NHLRC2: variants seen among roughly 807,000 people sequenced by gnomAD.
NHLRC2 encodes the protein NHL repeat-containing protein 2.
NHLRC2 carries 33 observed loss-of-function variants against 68.1 expected under a neutral mutation model. That is an observed-to-expected ratio of 0.48 (90% CI 0.37 to 0.65). The LOEUF (loss-of-function observed/expected upper bound fraction) is 0.65, where lower values mean the gene tolerates loss of function less well. NHLRC2 is among the 30% of genes least tolerant of loss of function. The probability of loss-of-function intolerance (pLI) is 0.00; values close to 1 mark genes in which losing one functional copy is unlikely to be tolerated. For synonymous variants in NHLRC2, 311 were observed against 309.6 expected, an observed-to-expected ratio of 1.00 and a Z score of -0.05; for missense variants, 761 against 853.8, an observed-to-expected ratio of 0.89 and a Z score of 1.35.
In NHLRC2 at chr10:113,911,774, T is replaced by C. The variant is rs796784145; in HGVS notation, c.*3238T>C. 7.2e-5 allele frequency: 11 copies of C among 152,282 alleles called. 1 individual carries two copies. The highest frequency in any genetic ancestry group is 2.6e-4 in the African/African-American group (11 of 41,580). 9.4% of individuals were successfully genotyped at this position (152,282 alleles called of 1,614,324 possible). A position where few individuals can be genotyped will look rare whatever the true frequency, so the allele number is the denominator to read the frequency against. On this transcript the variant is annotated 3_prime_UTR_variant, in exon 11 of 11. Coordinates refer to ENST00000369301, the MANE Select transcript of NHLRC2 (RefSeq NM_198514.4). ...CACAATCATCAAAATCTACTTAAAT[T>C]CTATAGTTAACAGTTACATAAGAAT...
chr10:113,882,646 T>C (rs1191677946), intron 4 of NHLRC2, among the ~76,000 whole-genome samples: 1 of 151,802 alleles, frequency 6.6e-6, no homozygotes, highest in Non-Finnish European at 1.5e-5. Context: ...TCTGCTTGCC[T>C]TTATACTTAG....
chr10:113,908,704 T>C lies in NHLRC2; in HGVS notation c.*168T>C. On this transcript the variant is annotated 3_prime_UTR_variant, in exon 11 of 11. Coordinates refer to ENST00000369301, the MANE Select transcript of NHLRC2 (RefSeq NM_198514.4). ...AAAGCTATGCTCCTTACTTACTTCTTTTATTATAAACAAATTCCTTTGCTT... is the reference window on the plus strand; with the variant it reads ...AAAGCTATGCTCCTTACTTACTTCTCTTATTATAAACAAATTCCTTTGCTT... 1 of 634,536 alleles carries C rather than the reference T, an allele frequency of 1.6e-6. No individual in the cohort carries two copies. Among genetic ancestry groups the C allele is most frequent in the Non-Finnish European group, 2.7e-6 (1 of 370,626 alleles). The allele number at this position is 634,536 out of a possible 1,614,324, so 39.3% of individuals were successfully genotyped here. A position where few individuals can be genotyped will look rare whatever the true frequency, so the allele number is the denominator to read the frequency against.
chr10:113,871,114 T>C (rs570701884), intron 2 of NHLRC2, among the ~76,000 whole-genome samples: 6 of 146,230 alleles, frequency 4.1e-5, no homozygotes, highest in Non-Finnish European at 7.4e-5. Context: ...AACGTTTGCC[T>C]CTCAGGTTCA....
intron 5 of NHLRC2, among the ~76,000 whole-genome samples, chr10:113,886,305 A>C (rs1846082039): frequency 6.6e-6 from 1 of 152,182 alleles, no homozygotes; most frequent in African/African-American, 2.4e-5. Flanking sequence ...TAAAATGTTC[A>C]TACTACCCAA....
intron 1 of NHLRC2, among the ~76,000 whole-genome samples, chr10:113,856,522 A>G (rs372195553): frequency 2.6e-5 from 4 of 152,234 alleles, no homozygotes; most frequent in Admixed American, 1.3e-4. Context: ...ATACAAATAT[A>G]TGATTTTAAA....
Position 113,903,683 on chromosome 10 carries a change from A to G in NHLRC2, c.1651A>G (p.Thr551Ala). Residue 551 changes from threonine to alanine, a missense_variant, in exon 9 of 11, where the codon ACC becomes GCC. Physicochemically the swap from Thr to Ala is moderately conservative, Grantham distance 58. Coordinates refer to ENST00000369301, the MANE Select transcript of NHLRC2 (RefSeq NM_198514.4). ...ENGELLYVAD[T>A]NNHQIKVMDL... ...TGGAGAATTATTATATGTAGCAGAC[A>G]CCAATAATCATCAAATTAAAGTGAT... is the stretch of plus-strand genomic sequence containing the variant. 6.2e-7 allele frequency: 1 copy of G among 1,600,390 alleles called. No homozygotes were observed. Among genetic ancestry groups the G allele is most frequent in the Non-Finnish European group, 8.6e-7 (1 of 1,167,648 alleles).
chr10:113,902,575 A>G lies in NHLRC2; in HGVS notation c.1476A>G (p.Ala492=). 1 of 1,606,500 alleles carries G rather than the reference A, an allele frequency of 6.2e-7. No homozygotes were observed. The highest frequency in any genetic ancestry group is 1.3e-5 in the African/African-American group (1 of 74,426). The change falls in exon 8 of 11, where the codon GCA becomes GCG. Residue 492 remains alanine, a synonymous_variant. Coordinates refer to ENST00000369301, the MANE Select transcript of NHLRC2 (RefSeq NM_198514.4). ...AAAAAAGGAATTTACTTTATGTTGC[A>G]GACTCCTACAATCACAAGGTGAGTC... ...WDKKRNLLYV[A]DSYNHKIKVV...
intron 5 of NHLRC2, among the ~76,000 whole-genome samples, chr10:113,891,701 C>T (rs1846133588): frequency 6.6e-6 from 1 of 152,156 alleles, no homozygotes; most frequent in African/African-American, 2.4e-5. Flanking sequence ...TGGTGGTTCC[C>T]TCTCTCCACT....
chr10:113,896,852 G>T (rs1175393711), intron 5 of NHLRC2, among the ~76,000 whole-genome samples: 1 of 151,764 alleles, frequency 6.6e-6, no homozygotes, highest in Non-Finnish European at 1.5e-5. Context: ...AAATTAGCCG[G>T]GCATGGTGGC....
chr10:113,877,334 T>C (rs530381009), intron 3 of NHLRC2, among the ~76,000 whole-genome samples: 70 of 152,070 alleles, frequency 4.6e-4, no homozygotes, highest in Admixed American at 1.8e-3. Flanking sequence ...AGAAGTATTA[T>C]GTTTCACTTT....
chr10:113,909,512 T>A lies in NHLRC2; in HGVS notation c.*976T>A, dbSNP rs1403021084. Reference sequence around the variant, plus strand: ...TTATGATCATTTATTGTGATGTTTTTAAAAATCACTTTTAAGCCTTAAAAG... The same window carrying A: ...TTATGATCATTTATTGTGATGTTTTAAAAAATCACTTTTAAGCCTTAAAAG... On this transcript the variant is annotated 3_prime_UTR_variant, in exon 11 of 11. Transcript: ENST00000369301. 1 of 152,162 alleles carries A rather than the reference T, an allele frequency of 6.6e-6. No individual in the cohort carries two copies. The highest frequency in any genetic ancestry group is 1.5e-5 in the Non-Finnish European group (1 of 67,990). The allele number at this position is 152,162 out of a possible 1,614,324, so 9.4% of individuals were successfully genotyped here.
chr10:113,871,364 T>C (rs1845923549), intron 2 of NHLRC2, among the ~76,000 whole-genome samples: 1 of 152,134 alleles, frequency 6.6e-6, no homozygotes, highest in Non-Finnish European at 1.5e-5. Context: ...TAATTGAGTC[T>C]CTGGACTTTT....
chr10:113,876,398 C>A, intron 2 of NHLRC2, 123 bp from the exon 3 acceptor site: 1 of 552,116 alleles, frequency 1.8e-6, no homozygotes, highest in Non-Finnish European at 3.1e-6. Flanking sequence ...CAGCGTAGTT[C>A]TACTTTTCGT....
intron 4 of NHLRC2, among the ~76,000 whole-genome samples, chr10:113,881,095 T>C (rs1266084338): frequency 6.6e-6 from 1 of 151,922 alleles, no homozygotes; most frequent in Non-Finnish European, 1.5e-5. Context: ...AAATTCTTAA[T>C]GATTAATATT....
intron 2 of NHLRC2, chr10:113,858,932 A>G (rs910906399): frequency 1.6e-5 from 5 of 308,920 alleles, no homozygotes; most frequent in African/African-American, 6.4e-5. Context: ...ATAATTTGCT[A>G]TTTTTCATGA....
At chr10:113,877,403 T>G (rs1002681531) in intron 3 of NHLRC2, among the ~76,000 whole-genome samples, 1 of 152,158 alleles carries the variant, frequency 6.6e-6, no homozygotes, top group Non-Finnish European at 1.5e-5. Context: ...GAACTTGAGA[T>G]GTAGTTTATA....
intron 1 of NHLRC2, among the ~76,000 whole-genome samples, chr10:113,856,268 C>T (rs1845757316): frequency 6.6e-6 from 1 of 152,154 alleles, no homozygotes; most frequent in South Asian, 2.1e-4. Context: ...GACACTGAAA[C>T]CACATGTATA....
rs1846363760 is a variant in NHLRC2 at position 113,914,582 on chromosome 10, G to C, written c.*6046G>C. The stretch of plus-strand genomic sequence containing the variant: ...TTTTCATTCTTAGTGTGCTAATTAA[G>C]TAGTAGTATGGTGCAGTAAGGAATT... On this transcript the variant is annotated 3_prime_UTR_variant, in exon 11 of 11. Transcript: ENST00000369301. 5.0e-6 allele frequency: 1 copy of C among 201,926 alleles called. No individual in the cohort carries two copies. Among genetic ancestry groups the C allele is most frequent in the African/African-American group, 2.4e-5 (1 of 42,010 alleles). The allele number at this position is 201,926 out of a possible 1,614,324, so 12.5% of individuals were successfully genotyped here. A position where few individuals can be genotyped will look rare whatever the true frequency, so the allele number is the denominator to read the frequency against.
intron 3 of NHLRC2, 65 bp from the exon 4 acceptor site, chr10:113,879,505 AGTTT>A: frequency 7.6e-7 from 1 of 1,316,536 alleles, no homozygotes; most frequent in Non-Finnish European, 1.1e-6. Context: ...ATTAAATACA[AGTTT>A]GTTTTGTTTT....
Sources: gnomAD v4.1 joint callset for allele counts (sites outside exome capture counted in the v4.1 genomes callset) on GRCh38, gnomAD v4.1.1 for gene constraint, MANE v1.5 for transcripts, NCBI Gene and HGNC (gene_info 2026-07-23, HGNC 2026-07-21) for gene names.